Variants in HIVEP3 observed in about 807,000 individuals in gnomAD.
HIVEP3 encodes transcription factor HIVEP3.
In HIVEP3, 49 loss-of-function variants were observed where a neutral mutation model predicts 152.8. The observed-to-expected ratio is 0.32, with a 90% CI of 0.26 to 0.41. HIVEP3 has a LOEUF of 0.41. Ranked by LOEUF, HIVEP3 falls within the 10% of genes least tolerant of loss-of-function variation. HIVEP3 has a pLI of 1.00. For missense variants in HIVEP3, 2,790 were observed against 3,103.3 expected (o/e 0.90, Z 2.40); for synonymous variants, 1,269 against 1,289.0 (o/e 0.98, Z 0.33).
intron 1 of HIVEP3, among the ~76,000 whole-genome samples, chr1:41,940,533 T>C (rs182344275): frequency 6.6e-6 from 1 of 152,374 alleles, no homozygotes; most frequent in African/African-American, 2.4e-5. Flanking sequence ...AAATGAACTC[T>C]TAAGAGAACA....
In HIVEP3 at chr1:41,634,121, T is replaced by TA. The variant is rs11337584; in HGVS notation, c.-720-5175dup. Among the ~76,000 whole-genome samples, 1,216 of 141,988 alleles carry TA rather than the reference T, an allele frequency of 8.6e-3. 14 individuals carry two copies. The highest frequency in any genetic ancestry group is 0.024 in the African/African-American group (942 of 38,880). The allele number at this position is 141,988 out of a possible 152,430, so 93.1% of individuals were successfully genotyped here. ...CACCCACCACCCACGCATCTTTTCTTAAAAAAAAAAAAAATTACTCGAGGA... is the reference window on the plus strand; with the variant it reads ...CACCCACCACCCACGCATCTTTTCTTAAAAAAAAAAAAAAATTACTCGAGGA... On this transcript the variant is annotated intron_variant, in intron 2 of 8. Coordinates refer to ENST00000372583, the MANE Select transcript of HIVEP3 (RefSeq NM_024503.5).
intron 1 of HIVEP3, among the ~76,000 whole-genome samples, chr1:41,912,265 T>G (rs1034014948): frequency 1.3e-5 from 2 of 152,206 alleles, no homozygotes; most frequent in Admixed American, 6.5e-5. Context: ...TCAAATTGAC[T>G]GGTGAGTACA....
chr1:42,026,713 A>T (rs1404559114), intron 1 of HIVEP3, among the ~76,000 whole-genome samples: 1 of 152,140 alleles, frequency 6.6e-6, no homozygotes, highest in African/African-American at 2.4e-5. Context: ...TACTTCCTAC[A>T]AATATGGCAG....
intron 1 of HIVEP3, among the ~76,000 whole-genome samples, chr1:42,004,932 TG>T: frequency 2.0e-5 from 3 of 152,352 alleles, no homozygotes; most frequent in East Asian, 3.9e-4. Flanking sequence ...TATTAGAGTT[TG>T]CTGTAAATAT....
chr1:41,655,640 T>C (rs1645618650), intron 2 of HIVEP3, among the ~76,000 whole-genome samples: 1 of 130,174 alleles, frequency 7.7e-6, no homozygotes, highest in African/African-American at 2.9e-5. Context: ...AGCCCCTGAA[T>C]CCCTCCCCAC....
intron 3 of HIVEP3, among the ~76,000 whole-genome samples, chr1:41,592,541 C>T (rs1644602536): frequency 6.6e-6 from 1 of 152,174 alleles, no homozygotes; most frequent in South Asian, 2.1e-4. Flanking sequence ...AGTGAGCATC[C>T]ATCTAGTGAT....
At chr1:41,527,821 A>C (rs10890097) in intron 5 of HIVEP3, among the ~76,000 whole-genome samples, 135,841 of 137,266 alleles carry the variant, frequency 0.99, 67,217 homozygotes, top group Non-Finnish European at 1. Context: ...CTCCCACTCA[A>C]CTTCACATTC....
chr1:41,727,799 T>C (rs890807192), intron 1 of HIVEP3, among the ~76,000 whole-genome samples: 6 of 152,232 alleles, frequency 3.9e-5, no homozygotes, highest in East Asian at 3.9e-4. Flanking sequence ...CGTAGTCAGC[T>C]ACTTCCTGCT....
intron 2 of HIVEP3, among the ~76,000 whole-genome samples, chr1:41,637,090 A>G (rs1645286788): frequency 6.6e-6 from 1 of 152,256 alleles, no homozygotes. Flanking sequence ...TAGTAGGTAT[A>G]GATGAGGAGA....
intron 5 of HIVEP3, among the ~76,000 whole-genome samples, chr1:41,526,910 TCTC>T (rs1289466362): frequency 1.0e-5 from 1 of 98,856 alleles, no homozygotes; most frequent in African/African-American, 4.0e-5. Flanking sequence ...CATGCTCATA[TCTC>T]CACACACACC....
intron 1 of HIVEP3, among the ~76,000 whole-genome samples, chr1:41,741,876 T>C (rs1045778343): frequency 6.6e-6 from 1 of 152,228 alleles, no homozygotes; most frequent in Non-Finnish European, 1.5e-5. Flanking sequence ...GCCAGAAACA[T>C]AGTAGGTACT....
Position 41,518,495 on chromosome 1 carries a change from A to G in HIVEP3, c.5384-7T>C, listed in dbSNP as rs1398400092. On this transcript the variant is annotated splice_region_variant and splice_polypyrimidine_tract_variant and intron_variant, in intron 6 of 8. Transcript: ENST00000372583. ...ATGTGCTTAGTCAGATTCCCTAGAA[A>G]GAAACGAGAATACTTAGGCTCTGCT... 1 of 1,612,494 alleles carries G rather than the reference A, an allele frequency of 6.2e-7. No individual in the cohort carries two copies. Among genetic ancestry groups the G allele is most frequent in the Non-Finnish European group, 8.5e-7 (1 of 1,178,508 alleles).
intron 2 of HIVEP3, among the ~76,000 whole-genome samples, chr1:41,652,535 A>G (rs1197017270): frequency 2.0e-5 from 3 of 152,172 alleles, no homozygotes; most frequent in Non-Finnish European, 2.9e-5. Context: ...CCAGGATGGC[A>G]AGAGTTTTAA....
At chr1:42,005,152 C>T (rs2124526000) in intron 1 of HIVEP3, among the ~76,000 whole-genome samples, 1 of 152,272 alleles carries the variant, frequency 6.6e-6, no homozygotes, top group Admixed American at 6.5e-5. Context: ...CAAGGCTACC[C>T]TGTATCCCTG....
intron 2 of HIVEP3, among the ~76,000 whole-genome samples, chr1:41,670,743 C>A (rs541628566): frequency 6.6e-6 from 1 of 152,314 alleles, no homozygotes; most frequent in Non-Finnish European, 1.5e-5. Flanking sequence ...TGAGCAGCAA[C>A]TTGAAGCAGG....
At chr1:41,974,280 C>T (rs373810921) in intron 1 of HIVEP3, among the ~76,000 whole-genome samples, 85 of 151,992 alleles carry the variant, frequency 5.6e-4, no homozygotes, top group African/African-American at 1.8e-3. Context: ...CCTCCTCTTC[C>T]GACTCCTCAG....
chr1:41,901,174 G>A (rs1032833187), intron 1 of HIVEP3, among the ~76,000 whole-genome samples: 5 of 152,050 alleles, frequency 3.3e-5, no homozygotes, highest in Admixed American at 2.0e-4. Context: ...AAGCAGCTTG[G>A]GGGACAGTGG....
intron 5 of HIVEP3, among the ~76,000 whole-genome samples, chr1:41,534,471 G>A (rs1643348189): frequency 6.6e-6 from 1 of 152,046 alleles, no homozygotes; most frequent in Non-Finnish European, 1.5e-5. Flanking sequence ...TTGCACCAAG[G>A]TCCTGTCCTT....
intron 1 of HIVEP3, among the ~76,000 whole-genome samples, chr1:41,980,380 T>C (rs1645287604): frequency 6.6e-6 from 1 of 152,130 alleles, no homozygotes; most frequent in South Asian, 2.1e-4. Flanking sequence ...GGTAGTATAA[T>C]GAAACATACT....
Sources: allele counts gnomAD v4.1 joint callset (sites outside exome capture counted in the v4.1 genomes callset), GRCh38; gene constraint gnomAD v4.1.1; transcripts MANE v1.5; gene names NCBI Gene and HGNC (gene_info 2026-07-23, HGNC 2026-07-21).